The following CPLX2 variants were observed in gnomAD, a reference collection of about 807,000 sequenced individuals.
The protein encoded by CPLX2 is complexin-2.
In CPLX2, 5 loss-of-function variants were observed where a neutral mutation model predicts 16.3. That is an observed-to-expected ratio of 0.31 (90% CI 0.16 to 0.64). The LOEUF (loss-of-function observed/expected upper bound fraction) is 0.64. CPLX2 is among the 30% of genes least tolerant of loss of function. CPLX2 has a pLI of 0.79. For missense variants in CPLX2, 144 were observed against 181.4 expected (o/e 0.79, Z 1.18); for synonymous variants, 89 against 73.2 (o/e 1.22, Z -1.10).
intron 1 of CPLX2, among the ~76,000 whole-genome samples, chr5:175,800,995 T>C (rs573392466): frequency 6.6e-6 from 1 of 151,804 alleles, no homozygotes; most frequent in African/African-American, 2.4e-5. Context: ...CTGGACTGCA[T>C]GGGGACAGAT....
At chr5:175,848,604 C>A (rs1759094597) in intron 2 of CPLX2, among the ~76,000 whole-genome samples, 1 of 152,072 alleles carries the variant, frequency 6.6e-6, no homozygotes, top group Admixed American at 6.5e-5. Context: ...GGGTCCTACT[C>A]CTAGAGAAAA....
intron 2 of CPLX2, among the ~76,000 whole-genome samples, chr5:175,827,999 C>T (rs755250498): frequency 3.3e-5 from 5 of 152,188 alleles, no homozygotes; most frequent in South Asian, 2.1e-4. Flanking sequence ...TAGAGTCAGA[C>T]TTACTCTCCA....
upstream of CPLX2, among the ~76,000 whole-genome samples, chr5:175,870,680 G>T (rs1333020785): frequency 6.6e-6 from 1 of 152,206 alleles, no homozygotes; most frequent in Non-Finnish European, 1.5e-5. Context: ...GGTGGGAGCA[G>T]ATGTTGTCCT....
In CPLX2 at chr5:175,840,203, GT is replaced by G. The variant is rs34993583; in HGVS notation, c.-89+31144del. On this transcript the variant is annotated intron_variant, in intron 2 of 4. Coordinates refer to the CPLX2 transcript ENST00000359546. Reference sequence around the variant, plus strand: ...GAGATCTTCAAAGCATAAAACATATGTTTTTTTTTCAAAGACTGACAGAAAT... The same window carrying G: ...GAGATCTTCAAAGCATAAAACATATGTTTTTTTTCAAAGACTGACAGAAAT... 1.4e-3 allele frequency among the ~76,000 whole-genome samples: 215 copies of G among 150,260 alleles called. 1 individual carries two copies. Among genetic ancestry groups the G allele is most frequent in the Middle Eastern group, 6.8e-3 (2 of 292 alleles).
chr5:175,799,704 T>G (rs958402402), intron 1 of CPLX2, among the ~76,000 whole-genome samples: 3 of 151,454 alleles, frequency 2.0e-5, no homozygotes, highest in African/African-American at 7.3e-5. Context: ...TTTTTATTTT[T>G]ATTTTTTTTG....
intron 2 of CPLX2, among the ~76,000 whole-genome samples, chr5:175,843,123 G>A (rs1413455955): frequency 1.3e-5 from 2 of 152,132 alleles, no homozygotes; most frequent in Non-Finnish European, 2.9e-5. Context: ...AGGGCCAGTC[G>A]GTCAGGCAGA....
At chr5:175,842,078 A>C (rs541937753) in intron 2 of CPLX2, among the ~76,000 whole-genome samples, 8 of 152,208 alleles carry the variant, frequency 5.3e-5, no homozygotes, top group Non-Finnish European at 1.2e-4. Flanking sequence ...ATCTAAGCAG[A>C]TAATGACTGT....
intron 2 of CPLX2, among the ~76,000 whole-genome samples, chr5:175,842,081 A>G (rs1758954725): frequency 6.6e-6 from 1 of 152,154 alleles, no homozygotes; most frequent in South Asian, 2.1e-4. Context: ...TAAGCAGATA[A>G]TGACTGTCCA....
chr5:175,820,269 C>T (rs192710571), intron 2 of CPLX2, among the ~76,000 whole-genome samples: 1 of 152,212 alleles, frequency 6.6e-6, no homozygotes, highest in East Asian at 1.9e-4. Context: ...CAGTGCCCAG[C>T]AGGGCGCCTG....
intron 2 of CPLX2, among the ~76,000 whole-genome samples, chr5:175,856,540 G>GA (rs2113684142): frequency 6.6e-6 from 1 of 152,332 alleles, no homozygotes; most frequent in East Asian, 1.9e-4. Flanking sequence ...AGCCCAAGTG[G>GA]AAAGACAGAG....
intron 2 of CPLX2, among the ~76,000 whole-genome samples, chr5:175,827,224 C>A (rs1758633572): frequency 6.6e-6 from 1 of 152,200 alleles, no homozygotes; most frequent in African/African-American, 2.4e-5. Flanking sequence ...TGGTCATGTG[C>A]CCTCTATGGG....
At chr5:175,836,076 C>T (rs68153620) in intron 2 of CPLX2, among the ~76,000 whole-genome samples, 72 of 152,044 alleles carry the variant, frequency 4.7e-4, no homozygotes, top group African/African-American at 1.5e-3. Context: ...CTAGGCCAGG[C>T]GCGGTGGCTC....
rs112209952 is a variant in CPLX2 at position 175,823,414 on chromosome 5, C to T, written c.-89+14346C>T. On this transcript the variant is annotated intron_variant, in intron 2 of 4. Transcript: ENST00000359546. ...AGTGGTGGAGCGTATGAACGATGGA[C>T]GATTGGTTGGATAATGAGTGGATGA... Among the ~76,000 whole-genome samples, 977 of 151,900 alleles carry T rather than the reference C, an allele frequency of 6.4e-3. 11 individuals are homozygous for T. Among genetic ancestry groups the T allele is most frequent in the African/African-American group, 0.023 (935 of 41,416 alleles).
chr5:175,847,069 G>A (rs1759055767), intron 2 of CPLX2, among the ~76,000 whole-genome samples: 1 of 152,200 alleles, frequency 6.6e-6, no homozygotes, highest in South Asian at 2.1e-4. Context: ...AAGCAAAAGG[G>A]AGACCCCCGC....
At chr5:175,797,403 G>A (rs1758007932) in intron 1 of CPLX2, among the ~76,000 whole-genome samples, 1 of 152,138 alleles carries the variant, frequency 6.6e-6, no homozygotes, top group South Asian at 2.1e-4. Flanking sequence ...GAGGTAGAGG[G>A]GAAACAGGCA....
chr5:175,821,246 T>G (rs1323941649), intron 2 of CPLX2, among the ~76,000 whole-genome samples: 1 of 151,928 alleles, frequency 6.6e-6, no homozygotes, highest in Non-Finnish European at 1.5e-5. Flanking sequence ...CCCTCAGCTC[T>G]ACGCAAGCAG....
chr5:175,879,952 CT>C lies in CPLX2; in HGVS notation c.313del (p.Cys105AlafsTer54). On this transcript the variant is annotated frameshift_variant, in exon 4 of 4. Coordinates refer to ENST00000393745, the MANE Select transcript of CPLX2 (RefSeq NM_001008220.2). LOFTEE classifies it high-confidence loss of function. ...GGCCCAAGAAGGCCATCCCTGCGGG[CT>C]GCGGGGACGAGGAGGAGGAGGAAGA... ...TRPKKAIPAG[C>X]GDEEEEEEES... 6.2e-7 allele frequency: 1 copy of C among 1,614,018 alleles called. No individual in the cohort carries two copies. The highest frequency in any genetic ancestry group is 8.5e-7 in the Non-Finnish European group (1 of 1,179,956).
chr5:175,882,062 T>A lies in CPLX2; in HGVS notation c.*2017T>A, dbSNP rs2113722010. The stretch of plus-strand genomic sequence containing the variant: ...CAGAAAAGTCCCCTGGTCTGTCCCT[T>A]CTTTGGGGAGCAGGGCCTCGACAGC... On this transcript the variant is annotated 3_prime_UTR_variant, in exon 4 of 4. Transcript: ENST00000393745. The A allele has an allele frequency of 6.5e-6, 1 of 152,710 alleles. No individual in the cohort carries two copies. The highest frequency in any genetic ancestry group is 2.1e-4 in the South Asian group (1 of 4,828). 9.5% of individuals were successfully genotyped at this position (152,710 alleles called of 1,614,324 possible). A position where few individuals can be genotyped will look rare whatever the true frequency, so the allele number is the denominator to read the frequency against.
intron 2 of CPLX2, among the ~76,000 whole-genome samples, chr5:175,816,567 C>T (rs931132241): frequency 2.0e-5 from 3 of 152,194 alleles, no homozygotes; most frequent in South Asian, 2.1e-4. Context: ...CCATCAGGGG[C>T]GGGAAAGAAT....
Sources: allele counts gnomAD v4.1 joint callset (sites outside exome capture counted in the v4.1 genomes callset), GRCh38; gene constraint gnomAD v4.1.1; transcripts MANE v1.5; gene names NCBI Gene and HGNC (gene_info 2026-07-23, HGNC 2026-07-21).